Variants in CDH13 observed in about 807,000 individuals in gnomAD.
CDH13 encodes the protein cadherin-13.
A neutral mutation model predicts 63.8 loss-of-function variants in CDH13; 24 were observed. That is an observed-to-expected ratio of 0.38 (90% CI 0.27 to 0.53). The LOEUF is 0.53. Ranked by LOEUF, CDH13 falls within the 20% of genes least tolerant of loss-of-function variation. CDH13 has a pLI of 0.85. For synonymous variants in CDH13, 503 were observed against 355.3 expected (o/e 1.42, Z -4.67); for missense variants, 1,049 against 903.1 (o/e 1.16, Z -2.07).
chr16:83,015,537 C>T (rs974144823), intron 2 of CDH13, among the ~76,000 whole-genome samples: 2 of 151,016 alleles, frequency 1.3e-5, no homozygotes. Flanking sequence ...GTAATGTTTG[C>T]AGTAAGATTC....
In CDH13 at chr16:82,790,222, G is replaced by A. The variant is rs188062730; in HGVS notation, c.46-68140G>A. Among the ~76,000 whole-genome samples, 1,333 of 152,210 alleles carry A rather than the reference G, an allele frequency of 8.8e-3. 13 individuals are homozygous for A. Among genetic ancestry groups the A allele is most frequent in the Middle Eastern group, 0.01 (3 of 294 alleles). ...GAGGCCGAGGCAGGCAGATCATGAG[G>A]TTAGGAGTTCAAGACCAGCCTGATC... On this transcript the variant is annotated intron_variant, in intron 1 of 13. Transcript: ENST00000567109.
At chr16:83,075,128 C>G (rs1301405403) in intron 3 of CDH13, among the ~76,000 whole-genome samples, 1 of 152,150 alleles carries the variant, frequency 6.6e-6, no homozygotes, top group Non-Finnish European at 1.5e-5. Flanking sequence ...AGAGAGTCCC[C>G]AGTAGGATTG....
chr16:83,668,104 C>T (rs550720307), intron 8 of CDH13, among the ~76,000 whole-genome samples: 1 of 152,322 alleles, frequency 6.6e-6, no homozygotes, highest in South Asian at 2.1e-4. Flanking sequence ...TTCTGGAACA[C>T]TCAGGCAAGT....
chr16:83,671,995 A>G (rs1193741518), intron 9 of CDH13, among the ~76,000 whole-genome samples: 1 of 152,098 alleles, frequency 6.6e-6, no homozygotes, highest in African/African-American at 2.4e-5. Context: ...ATGGGAACAC[A>G]TTTTCTTTTC....
At chr16:83,205,271 A>G (rs1174099970) in intron 4 of CDH13, among the ~76,000 whole-genome samples, 1 of 152,186 alleles carries the variant, frequency 6.6e-6, no homozygotes, top group Non-Finnish European at 1.5e-5. Context: ...GAAATTCAGA[A>G]AGAGACACTT....
intron 7 of CDH13, among the ~76,000 whole-genome samples, chr16:83,544,389 C>T (rs879598273): frequency 4.0e-5 from 6 of 151,802 alleles, no homozygotes; most frequent in African/African-American, 1.2e-4. Flanking sequence ...GTTTATGACC[C>T]GATAAACCCA....
chr16:82,986,673 C>T (rs1340656035), intron 2 of CDH13, among the ~76,000 whole-genome samples: 1 of 152,198 alleles, frequency 6.6e-6, no homozygotes, highest in Non-Finnish European at 1.5e-5. Flanking sequence ...AGTCCAACCA[C>T]ACAAACATAT....
At chr16:83,526,703 T>C (rs2074969953) in intron 7 of CDH13, among the ~76,000 whole-genome samples, 1 of 152,216 alleles carries the variant, frequency 6.6e-6, no homozygotes, top group African/African-American at 2.4e-5. Context: ...GTTTAAACAC[T>C]GACTCTTTCA....
intron 7 of CDH13, among the ~76,000 whole-genome samples, chr16:83,585,128 G>T (rs1469610289): frequency 6.6e-6 from 1 of 152,174 alleles, no homozygotes; most frequent in Non-Finnish European, 1.5e-5. Flanking sequence ...CTGCAGACAC[G>T]TGTCTCTGGT....
chr16:82,747,929 A>T (rs17274793), intron 1 of CDH13, among the ~76,000 whole-genome samples: 1 of 152,062 alleles, frequency 6.6e-6, no homozygotes, highest in Non-Finnish European at 1.5e-5. Context: ...CTTCTTTTTT[A>T]AAAACCAAGG....
intron 6 of CDH13, among the ~76,000 whole-genome samples, chr16:83,374,794 C>G (rs375450203): frequency 3.3e-5 from 5 of 152,322 alleles, no homozygotes; most frequent in African/African-American, 1.2e-4. Context: ...ATCTAGTCTC[C>G]TGTTCTCACA....
intron 2 of CDH13, among the ~76,000 whole-genome samples, chr16:82,967,583 A>G (rs1041495626): frequency 6.6e-6 from 1 of 152,162 alleles, no homozygotes; most frequent in African/African-American, 2.4e-5. Context: ...TTCCTGCCTT[A>G]CTTCTGAAGT....
At chr16:82,664,179 T>C (rs1468872285) in intron 1 of CDH13, among the ~76,000 whole-genome samples, 1 of 152,274 alleles carries the variant, frequency 6.6e-6, no homozygotes, top group Non-Finnish European at 1.5e-5. Context: ...TTAGCTTTTG[T>C]TGAAATTAAT....
At chr16:83,163,244 C>T (rs913433557) in intron 4 of CDH13, among the ~76,000 whole-genome samples, 2 of 151,974 alleles carry the variant, frequency 1.3e-5, no homozygotes, top group African/African-American at 2.4e-5. Flanking sequence ...TGCCCAATCT[C>T]GAGTATGTCT....
At chr16:83,678,085 T>C in intron 9 of CDH13, 123 bp from the exon 10 acceptor site, 1 of 925,034 alleles carries the variant, frequency 1.1e-6, no homozygotes, top group Non-Finnish European at 1.6e-6. Flanking sequence ...AGGCTTAGCC[T>C]CCAAAGCCCA....
chr16:83,049,840 A>C (rs1227429315), intron 3 of CDH13, among the ~76,000 whole-genome samples: 2 of 152,146 alleles, frequency 1.3e-5, no homozygotes, highest in East Asian at 3.9e-4. Context: ...CTAATTTTTT[A>C]TTTGTAAATA....
chr16:83,322,118 C>T (rs1303492560), intron 5 of CDH13, among the ~76,000 whole-genome samples: 58 of 152,134 alleles, frequency 3.8e-4, no homozygotes, highest in Non-Finnish European at 1.5e-5. Context: ...CTAGGAAGCC[C>T]AGAGCCCTGG....
At chr16:83,201,894 A>T (rs890610970) in intron 4 of CDH13, among the ~76,000 whole-genome samples, 1 of 152,168 alleles carries the variant, frequency 6.6e-6, no homozygotes, top group South Asian at 2.1e-4. Context: ...CAGCCTAGGC[A>T]ACAGAGCGAG....
intron 7 of CDH13, among the ~76,000 whole-genome samples, chr16:83,496,901 C>T (rs1259677336): frequency 1.3e-5 from 2 of 152,162 alleles, no homozygotes; most frequent in Non-Finnish European, 2.9e-5. Context: ...CCAAAAAACA[C>T]ATGAAAAAAT....
Sources: gnomAD v4.1 joint callset for allele counts (sites outside exome capture counted in the v4.1 genomes callset) on GRCh38, gnomAD v4.1.1 for gene constraint, MANE v1.5 for transcripts, NCBI Gene and HGNC (gene_info 2026-07-23, HGNC 2026-07-21) for gene names.